The following JMJD1C variants were observed in gnomAD, a reference collection of about 807,000 sequenced individuals.
JMJD1C encodes the protein jumonji domain-containing protein 1C.
JMJD1C carries 31 observed loss-of-function variants against 245.3 expected under a neutral mutation model. The ratio of observed to expected loss-of-function variants is 0.13; its 90% CI spans 0.09 to 0.17. The LOEUF (loss-of-function observed/expected upper bound fraction) is 0.17, where lower values mean the gene tolerates loss of function less well. JMJD1C is among the 10% of genes least tolerant of loss of function. The pLI is 1.00. For synonymous variants in JMJD1C, 1,057 were observed against 1,017.4 expected (o/e 1.04, Z -0.74); for missense variants, 2,691 against 3,000.2 (o/e 0.90, Z 2.41).
At chr10:63,173,942 T>C (rs184544765) in intron 24 of JMJD1C, among the ~76,000 whole-genome samples, 123 of 152,232 alleles carry the variant, frequency 8.1e-4, no homozygotes, top group African/African-American at 2.7e-3. Flanking sequence ...TATAAAAAGA[T>C]GCCCAATGTT....
At chr10:63,517,985 G>A (rs542232642) in intron 1 of JMJD1C, among the ~76,000 whole-genome samples, 1 of 152,184 alleles carries the variant, frequency 6.6e-6, no homozygotes, top group East Asian at 1.9e-4. Flanking sequence ...TAGAGATGAG[G>A]TCTTGCCACA....
At chr10:63,453,395 C>T (rs533173837) in intron 1 of JMJD1C, among the ~76,000 whole-genome samples, 4 of 152,178 alleles carry the variant, frequency 2.6e-5, no homozygotes, top group Admixed American at 2.0e-4. Context: ...GATTTGCTTA[C>T]CTATTAAGAT....
intron 1 of JMJD1C, among the ~76,000 whole-genome samples, chr10:63,500,746 A>ATGGAT: frequency 8.9e-6 from 1 of 112,212 alleles, no homozygotes; most frequent in Admixed American, 8.3e-5. Flanking sequence ...GATGGATGGA[A>ATGGAT]GGATGGATGG....
At chr10:63,296,013 A>ATTTTTT (rs373671324) in intron 2 of JMJD1C, among the ~76,000 whole-genome samples, 1,393 of 84,220 alleles carry the variant, frequency 0.017, 111 homozygotes, top group Middle Eastern at 0.027. Flanking sequence ...GTATATATAT[A>ATTTTTT]TTTTTTTTTT....
intron 2 of JMJD1C, among the ~76,000 whole-genome samples, chr10:63,272,836 G>A (rs1047750798): frequency 6.6e-6 from 1 of 152,060 alleles, no homozygotes; most frequent in Non-Finnish European, 1.5e-5. Context: ...ATAAACTCAA[G>A]TTTGTCTACA....
At chr10:63,285,034 C>T (rs540110301) in intron 2 of JMJD1C, among the ~76,000 whole-genome samples, 2 of 152,272 alleles carry the variant, frequency 1.3e-5, no homozygotes, top group East Asian at 1.9e-4. Context: ...AGCAAACCCA[C>T]GCAGACATGG....
chr10:63,222,294 TTA>T, intron 3 of JMJD1C: 1 of 1,264,248 alleles, frequency 7.9e-7, no homozygotes, highest in Non-Finnish European at 1.2e-6. Flanking sequence ...GTTAAAAAGT[TTA>T]TGATTACAGG....
rs139374030 is a variant in JMJD1C, at chr10:63,337,624, A to AAAAGAAAAAGAAAAGAAAAG, written c.333+42693_333+42694insCTTTTCTTTTCTTTTTCTTT. On this transcript the variant is annotated intron_variant, in intron 2 of 25. Transcript: ENST00000399262. The stretch of plus-strand genomic sequence containing the variant: ...AAAAGAAAAGAAAAGAAAAGAAAAG[A>AAAAGAAAAAGAAAAGAAAAG]AAAAGAAAAGAAAAAAAATCCGCTA... Among the ~76,000 whole-genome samples, 22 of 60,200 alleles carry AAAAGAAAAAGAAAAGAAAAG rather than the reference A, an allele frequency of 3.7e-4. No homozygotes were observed. The East Asian group carries it at 4.4e-3, about 12-fold the overall frequency. The allele number at this position is 60,200 out of a possible 152,430, so 39.5% of individuals were successfully genotyped here.
At chr10:63,388,237 A>G (rs536293077) in intron 1 of JMJD1C, among the ~76,000 whole-genome samples, 26 of 152,260 alleles carry the variant, frequency 1.7e-4, no homozygotes, top group Admixed American at 3.9e-4. Context: ...AAAGCAAGAC[A>G]TAACTATCTA....
At chr10:63,305,690 A>G (rs1938109327) in intron 2 of JMJD1C, among the ~76,000 whole-genome samples, 1 of 106,152 alleles carries the variant, frequency 9.4e-6, no homozygotes, top group African/African-American at 3.1e-5. Flanking sequence ...GTGTTGAAAG[A>G]TCTTTCTCAA....
chr10:63,428,415 A>C (rs1349430309), intron 1 of JMJD1C, among the ~76,000 whole-genome samples: 1 of 152,250 alleles, frequency 6.6e-6, no homozygotes, highest in Non-Finnish European at 1.5e-5. Context: ...CATTCATTAC[A>C]AAACATTCAC....
intron 1 of JMJD1C, among the ~76,000 whole-genome samples, chr10:63,408,064 T>C (rs935166704): frequency 2.0e-5 from 3 of 151,982 alleles, no homozygotes; most frequent in Non-Finnish European, 4.4e-5. Context: ...GAACTAACAC[T>C]CATAAATTTC....
chr10:63,184,222 C>T (rs547124765), intron 21 of JMJD1C, among the ~76,000 whole-genome samples: 1 of 150,530 alleles, frequency 6.6e-6, no homozygotes, highest in South Asian at 2.1e-4. Flanking sequence ...GGCCACCACG[C>T]CCATCCTTGA....
At chr10:63,240,559 T>C (rs896590231) in intron 3 of JMJD1C, among the ~76,000 whole-genome samples, 16 of 152,136 alleles carry the variant, frequency 1.1e-4, no homozygotes, top group Admixed American at 3.3e-4. Flanking sequence ...ACTGAAGATA[T>C]TATTGGGAAG....
intron 1 of JMJD1C, among the ~76,000 whole-genome samples, chr10:63,381,584 G>A (rs1947224142): frequency 6.6e-6 from 1 of 152,142 alleles, no homozygotes; most frequent in African/African-American, 2.4e-5. Flanking sequence ...TAGAATGATG[G>A]TTATCAGAGA....
intron 24 of JMJD1C, among the ~76,000 whole-genome samples, chr10:63,172,110 A>C (rs1842425412): frequency 6.6e-6 from 1 of 152,228 alleles, no homozygotes; most frequent in African/African-American, 2.4e-5. Context: ...AAGAAGTTAG[A>C]TCTTGTTTTG....
chr10:63,282,299 T>G (rs1169255052), intron 2 of JMJD1C, among the ~76,000 whole-genome samples: 3 of 152,226 alleles, frequency 2.0e-5, no homozygotes, highest in African/African-American at 7.2e-5. Flanking sequence ...GCAGTATCTA[T>G]TTTTGCATAT....
chr10:63,389,391 C>T (rs79813872), intron 1 of JMJD1C, among the ~76,000 whole-genome samples: 1,962 of 149,776 alleles, frequency 0.013, 28 homozygotes, highest in African/African-American at 0.033. Flanking sequence ...TTCCAACAAC[C>T]CACTCTTAGC....
At chr10:63,424,681 T>C (rs1950335992) in intron 1 of JMJD1C, among the ~76,000 whole-genome samples, 1 of 151,768 alleles carries the variant, frequency 6.6e-6, no homozygotes, top group Admixed American at 6.6e-5. Flanking sequence ...CCAAAACCCA[T>C]TATTTTAAAT....
Sources: gnomAD v4.1 joint callset for allele counts (sites outside exome capture counted in the v4.1 genomes callset) on GRCh38, gnomAD v4.1.1 for gene constraint, MANE v1.5 for transcripts, NCBI Gene and HGNC (gene_info 2026-07-23, HGNC 2026-07-21) for gene names.